Variants in ALDH1A1 observed in about 807,000 individuals in gnomAD.
ALDH1A1 encodes the protein aldehyde dehydrogenase 1A1.
ALDH1A1 carries 19 observed loss-of-function variants against 62.1 expected under a neutral mutation model. That is an observed-to-expected ratio of 0.31 (90% CI 0.21 to 0.45). ALDH1A1 has a LOEUF of 0.45. ALDH1A1 is among the 20% of genes least tolerant of loss of function. The probability of loss-of-function intolerance (pLI) is 1.00; values close to 1 mark genes in which losing one functional copy is unlikely to be tolerated. For missense variants in ALDH1A1, 521 were observed against 607.1 expected (o/e 0.86, Z 1.49); for synonymous variants, 231 against 215.9 (o/e 1.07, Z -0.61).
Position 72,943,931 on chromosome 9 carries a change from C to T in ALDH1A1, c.67-3679G>A, listed in dbSNP as rs1418406414. 2.0e-5 allele frequency among the ~76,000 whole-genome samples: 3 copies of T among 151,394 alleles called. No individual in the cohort carries two copies. In the Admixed American group the frequency reaches 2.0e-4, roughly 10 times the overall value. Reference sequence around the variant, plus strand: ...AAGAATGCTTCTTTGAAGGATGGAACTGGATTGGTGGAAAGAAGGAAAAAA... The same window carrying T: ...AAGAATGCTTCTTTGAAGGATGGAATTGGATTGGTGGAAAGAAGGAAAAAA... On this transcript the variant is annotated intron_variant, in intron 1 of 12. Transcript: ENST00000297785.
Position 72,917,032 on chromosome 9 carries a change from C to T in ALDH1A1, c.923G>A (p.Arg308Lys). The T allele has an allele frequency of 6.2e-7, 1 of 1,613,898 alleles. No homozygotes were observed. Among genetic ancestry groups the T allele is most frequent in the Non-Finnish European group, 8.5e-7 (1 of 1,179,880 alleles). Residue 308 changes from arginine to lysine, a missense_variant, in exon 9 of 13, where the codon AGG becomes AAG. Transcript: ENST00000297785. Reference protein sequence around the residue: ...HQGQCCIAASRIFVEESIYDE... With the variant: ...HQGQCCIAASKIFVEESIYDE... Reference sequence around the variant, plus strand: ...ATAAATTGATTCTTCCACAAAAATCCTGGATGCGGCTATACAACACTGGCC... The same window carrying T: ...ATAAATTGATTCTTCCACAAAAATCTTGGATGCGGCTATACAACACTGGCC...
At chr9:72,917,423 A>T (rs1273243240) in intron 8 of ALDH1A1, among the ~76,000 whole-genome samples, 2 of 152,124 alleles carry the variant, frequency 1.3e-5, no homozygotes, top group African/African-American at 4.8e-5. Context: ...CTCCAATTAT[A>T]TAATTAGATG....
chr9:72,942,575 C>T (rs184549797), intron 1 of ALDH1A1, among the ~76,000 whole-genome samples: 19 of 152,214 alleles, frequency 1.2e-4, no homozygotes, highest in African/African-American at 4.1e-4. Context: ...CAGCCCTCCT[C>T]AGAATACTTT....
At chr9:72,921,019 G>A (rs763933157) in intron 7 of ALDH1A1, among the ~76,000 whole-genome samples, 21 of 152,148 alleles carry the variant, frequency 1.4e-4, no homozygotes, top group Middle Eastern at 3.4e-3. Flanking sequence ...AGGCTGAGGC[G>A]GGCAGATCAT....
At chr9:72,940,364 CTT>C in intron 1 of ALDH1A1, 112 bp from the exon 2 acceptor site, 1 of 733,664 alleles carries the variant, frequency 1.4e-6, no homozygotes, top group Non-Finnish European at 2.3e-6. Flanking sequence ...ATGCACATCT[CTT>C]CACCTCTCAA....
intron 7 of ALDH1A1, among the ~76,000 whole-genome samples, chr9:72,921,247 A>AAAC (rs1830139209): frequency 2.0e-5 from 3 of 151,928 alleles, no homozygotes; most frequent in Admixed American, 1.3e-4. Context: ...TCTCAAAAAA[A>AAAC]AAAAAAAAAA....
chr9:72,910,103 T>C (rs1289305237), intron 10 of ALDH1A1, among the ~76,000 whole-genome samples: 1 of 152,202 alleles, frequency 6.6e-6, no homozygotes, highest in African/African-American at 2.4e-5. Context: ...ATTCACTCTC[T>C]AGTTTTTCTT....
chr9:72,909,094 CA>C (rs1199937821), intron 11 of ALDH1A1, among the ~76,000 whole-genome samples: 1 of 148,906 alleles, frequency 6.7e-6, no homozygotes, highest in Non-Finnish European at 1.5e-5. Context: ...TTTTGGTAAG[CA>C]ATTTCAAGAA....
chr9:72,922,771 T>G (rs1830159978), intron 7 of ALDH1A1, among the ~76,000 whole-genome samples: 1 of 152,222 alleles, frequency 6.6e-6, no homozygotes, highest in Admixed American at 6.5e-5. Context: ...GTCACCATTT[T>G]TAAATGTATT....
intron 5 of ALDH1A1, 32 bp downstream of exon 5, chr9:72,927,084 A>T: frequency 6.6e-7 from 1 of 1,512,032 alleles, no homozygotes; most frequent in South Asian, 1.2e-5. Context: ...TCTTCTTTTT[A>T]AAATTGAGAA....
chr9:72,911,687 C>A (rs527899903), intron 10 of ALDH1A1, among the ~76,000 whole-genome samples: 11 of 152,132 alleles, frequency 7.2e-5, no homozygotes, highest in Non-Finnish European at 1.5e-4. Context: ...GGATTCTTTT[C>A]CATTGTTTTA....
intron 10 of ALDH1A1, among the ~76,000 whole-genome samples, chr9:72,911,175 T>G (rs1417578449): frequency 6.6e-6 from 1 of 152,010 alleles, no homozygotes; most frequent in African/African-American, 2.4e-5. Context: ...CACCAAACAC[T>G]TAACTGCAAT....
At chr9:72,926,602 A>G (rs773944278) in intron 5 of ALDH1A1, among the ~76,000 whole-genome samples, 11 of 152,376 alleles carry the variant, frequency 7.2e-5, no homozygotes, top group Non-Finnish European at 1.0e-4. Flanking sequence ...TATTCCATGC[A>G]GTGCTTCAAA....
chr9:72,917,108 C>A lies in ALDH1A1; in HGVS notation c.851-4G>T, dbSNP rs772971855. 3.3e-6 allele frequency: 5 copies of A among 1,517,700 alleles called. No individual in the cohort carries two copies. Among genetic ancestry groups the A allele is most frequent in the Non-Finnish European group, 4.4e-6 (5 of 1,132,726 alleles). 94.0% of individuals were successfully genotyped at this position (1,517,700 alleles called of 1,614,324 possible). A position where few individuals can be genotyped will look rare whatever the true frequency, so the allele number is the denominator to read the frequency against. ...GCAAATTCAACAGCATTGTCCACTG[C>A]GAAGAAGACATTCACATTAAAGATA... On this transcript the variant is annotated splice_polypyrimidine_tract_variant and splice_region_variant and intron_variant, in intron 8 of 12. Coordinates refer to ENST00000297785, the MANE Select transcript of ALDH1A1 (RefSeq NM_000689.5).
chr9:72,912,799 A>C (rs1022741654), intron 9 of ALDH1A1, among the ~76,000 whole-genome samples: 1 of 152,216 alleles, frequency 6.6e-6, no homozygotes, highest in African/African-American at 2.4e-5. Flanking sequence ...TACAGAACTT[A>C]AATCGTCTTT....
chr9:72,932,719 C>G (rs919171218), intron 2 of ALDH1A1, among the ~76,000 whole-genome samples: 1 of 152,030 alleles, frequency 6.6e-6, no homozygotes, highest in African/African-American at 2.4e-5. Flanking sequence ...TCATGCCACA[C>G]GTTCTAACTT....
At chr9:72,927,026 G>A (rs2303317) in intron 5 of ALDH1A1, 90 bp downstream of exon 5, 2 of 914,498 alleles carry the variant, frequency 2.2e-6, no homozygotes, top group Admixed American at 2.4e-5. Flanking sequence ...AAATACATAA[G>A]CATCCATCTG....
intron 5 of ALDH1A1, 145 bp downstream of exon 5, chr9:72,926,971 A>G: frequency 1.7e-6 from 1 of 586,778 alleles, no homozygotes; most frequent in Non-Finnish European, 3.0e-6. Flanking sequence ...GTTTAGTCAC[A>G]GGGAGACCAA....
chr9:72,910,541 T>C (rs369656420), intron 10 of ALDH1A1, among the ~76,000 whole-genome samples: 2 of 152,204 alleles, frequency 1.3e-5, no homozygotes, highest in Admixed American at 1.3e-4. Context: ...TTCACTAAGT[T>C]CCTGGTTACT....
Sources: gnomAD v4.1 joint callset for allele counts (sites outside exome capture counted in the v4.1 genomes callset) on GRCh38, gnomAD v4.1.1 for gene constraint, MANE v1.5 for transcripts, NCBI Gene and HGNC (gene_info 2026-07-23, HGNC 2026-07-21) for gene names.